GRIA4: variants seen among roughly 807,000 people sequenced by gnomAD.
GRIA4 encodes the protein glutamate receptor 4.
A neutral mutation model predicts 104.0 loss-of-function variants in GRIA4; 34 were observed. The observed-to-expected ratio is 0.33, with a 90% CI of 0.25 to 0.44. The LOEUF (loss-of-function observed/expected upper bound fraction) is 0.44. GRIA4 is among the 20% of genes least tolerant of loss of function. GRIA4 has a pLI of 1.00. For missense variants in GRIA4, 750 were observed against 1,096.5 expected (o/e 0.68, Z 4.46); for synonymous variants, 386 against 381.9 (o/e 1.01, Z -0.13).
chr11:105,942,315 T>G (rs532969669), intron 14 of GRIA4, among the ~76,000 whole-genome samples: 2 of 152,096 alleles, frequency 1.3e-5, no homozygotes, highest in Non-Finnish European at 2.9e-5. Flanking sequence ...TAGAATTAGT[T>G]AAATACATCA....
At chr11:105,752,214 G>C (rs972019250) in intron 3 of GRIA4, among the ~76,000 whole-genome samples, 1 of 152,266 alleles carries the variant, frequency 6.6e-6, no homozygotes, top group African/African-American at 2.4e-5. Context: ...AGAAAGGCAA[G>C]ATGAGGCCGT....
intron 5 of GRIA4, among the ~76,000 whole-genome samples, chr11:105,866,545 GTGTGTGTATATA>G (rs1945416583): frequency 2.8e-5 from 2 of 71,216 alleles, no homozygotes; most frequent in African/African-American, 1.2e-4. Context: ...ATGTGTGTGT[GTGTGTGTATATA>G]TATATATATA....
At chr11:105,918,659 T>C (rs962433870) in intron 10 of GRIA4, 53 bp from the exon 11 acceptor site, 1 of 887,134 alleles carries the variant, frequency 1.1e-6, no homozygotes, top group Non-Finnish European at 1.8e-6. Flanking sequence ...TTACATAAGG[T>C]TTTTCAAATG....
intron 3 of GRIA4, among the ~76,000 whole-genome samples, chr11:105,718,789 C>A (rs1954192898): frequency 2.0e-5 from 3 of 152,170 alleles, no homozygotes; most frequent in Admixed American, 2.0e-4. Flanking sequence ...TTCCATTCCA[C>A]TGCTCCCTTG....
At chr11:105,713,415 T>C (rs1054985794) in intron 3 of GRIA4, among the ~76,000 whole-genome samples, 3 of 152,114 alleles carry the variant, frequency 2.0e-5, no homozygotes, top group Non-Finnish European at 4.4e-5. Context: ...TGAATACATT[T>C]ATTTCTGCAC....
At chr11:105,678,442 T>TCAC (rs1952608923) in intron 3 of GRIA4, among the ~76,000 whole-genome samples, 1 of 152,064 alleles carries the variant, frequency 6.6e-6, no homozygotes, top group Non-Finnish European at 1.5e-5. Flanking sequence ...TTAATTCTGT[T>TCAC]TTTAATTGGG....
intron 3 of GRIA4, among the ~76,000 whole-genome samples, chr11:105,618,582 A>G (rs1950659931): frequency 6.6e-6 from 1 of 151,998 alleles, no homozygotes; most frequent in Non-Finnish European, 1.5e-5. Flanking sequence ...GAAGCAACAC[A>G]CAGAAGGAGC....
At chr11:105,644,933 T>A (rs1418093400) in intron 3 of GRIA4, among the ~76,000 whole-genome samples, 4 of 152,228 alleles carry the variant, frequency 2.6e-5, no homozygotes, top group African/African-American at 9.6e-5. Flanking sequence ...AAGGTCTTAC[T>A]AATTCCTTCT....
At chr11:105,918,413 T>C (rs554502915) in intron 10 of GRIA4, among the ~76,000 whole-genome samples, 1 of 152,282 alleles carries the variant, frequency 6.6e-6, no homozygotes, top group South Asian at 2.1e-4. Flanking sequence ...TAATTTATGC[T>C]TCTTTAGATA....
At chr11:105,662,007 T>TGTGTG (rs1952027440) in intron 3 of GRIA4, among the ~76,000 whole-genome samples, 2 of 149,852 alleles carry the variant, frequency 1.3e-5, no homozygotes, top group Admixed American at 1.3e-4. Flanking sequence ...GTGTGTGTGT[T>TGTGTG]TGTGTGTGTG....
chr11:105,867,067 A>C (rs1482173666), intron 5 of GRIA4, among the ~76,000 whole-genome samples: 1 of 152,090 alleles, frequency 6.6e-6, no homozygotes, highest in Non-Finnish European at 1.5e-5. Flanking sequence ...CTTTCATTAT[A>C]TGAAAGGGAA....
chr11:105,844,292 T>G (rs1944501431), intron 4 of GRIA4, among the ~76,000 whole-genome samples: 1 of 152,220 alleles, frequency 6.6e-6, no homozygotes. Flanking sequence ...CTTGAAAAGA[T>G]TTCAGATTAT....
chr11:105,610,712 T>C, intron 1 of GRIA4, 196 bp from the exon 2 acceptor site: 1 of 376,734 alleles, frequency 2.7e-6, no homozygotes, highest in Non-Finnish European at 4.9e-6. Flanking sequence ...CACCATCTTT[T>C]GCATGTGCAA....
At chr11:105,741,414 T>C (rs1473347776) in intron 3 of GRIA4, among the ~76,000 whole-genome samples, 3 of 152,146 alleles carry the variant, frequency 2.0e-5, no homozygotes, top group Non-Finnish European at 2.9e-5. Context: ...ACATGAGTAA[T>C]AGTTGAAGCT....
chr11:105,709,160 G>C (rs1174277439), intron 3 of GRIA4, among the ~76,000 whole-genome samples: 9 of 152,082 alleles, frequency 5.9e-5, no homozygotes, highest in African/African-American at 2.2e-4. Flanking sequence ...GGATTCAGGA[G>C]CTACAAATGA....
chr11:105,674,421 A>G (rs1477596371), intron 3 of GRIA4, among the ~76,000 whole-genome samples: 1 of 151,780 alleles, frequency 6.6e-6, no homozygotes, highest in East Asian at 1.9e-4. Context: ...CTAGAAACAT[A>G]TCCGCCTCAG....
intron 3 of GRIA4, among the ~76,000 whole-genome samples, chr11:105,668,251 T>G (rs1952238612): frequency 6.8e-6 from 1 of 146,042 alleles, no homozygotes; most frequent in African/African-American, 2.5e-5. Flanking sequence ...ATATATACTA[T>G]ATTATATATT....
intron 14 of GRIA4, among the ~76,000 whole-genome samples, chr11:105,963,117 A>G (rs564446557): frequency 1.3e-5 from 2 of 152,212 alleles, no homozygotes; most frequent in African/African-American, 4.8e-5. Flanking sequence ...CTAACTTCTT[A>G]TGGCTTCCTT....
Position 105,917,793 on chromosome 11 carries a change from T to C in GRIA4, c.1270-919T>C, listed in dbSNP as rs375652673. Among the ~76,000 whole-genome samples the C allele has an allele frequency of 5.4e-5, 8 of 149,468 alleles. No homozygotes were observed. The South Asian group carries it at 1.7e-3, about 32-fold the overall frequency. On this transcript the variant is annotated intron_variant, in intron 10 of 16. Coordinates refer to ENST00000282499, the MANE Select transcript of GRIA4 (RefSeq NM_000829.4). ...TGCTAAAATGTCTCTTTAGTGCATG[T>C]CTTTTAATGGTTTGGTTTAAGGGTG...
Sources: allele counts gnomAD v4.1 joint callset (sites outside exome capture counted in the v4.1 genomes callset), GRCh38; gene constraint gnomAD v4.1.1; transcripts MANE v1.5; gene names NCBI Gene and HGNC (gene_info 2026-07-23, HGNC 2026-07-21).